Variants in MICU1 observed in about 807,000 individuals in gnomAD.
MICU1 encodes mitochondrial calcium uptake 1.
MICU1 carries 45 observed loss-of-function variants against 56.8 expected under a neutral mutation model. The observed-to-expected ratio is 0.79, with a 90% CI of 0.62 to 1.02. The LOEUF is 1.02. MICU1 is among the 50% of genes least tolerant of loss of function. The pLI is 0.00. For missense variants in MICU1, 504 were observed against 587.1 expected, an observed-to-expected ratio of 0.86 and a Z score of 1.46; for synonymous variants, 186 against 195.1, an observed-to-expected ratio of 0.95 and a Z score of 0.39.
chr10:72,428,008 C>G (rs1864406021), intron 8 of MICU1, among the ~76,000 whole-genome samples: 1 of 152,098 alleles, frequency 6.6e-6, no homozygotes, highest in Non-Finnish European at 1.5e-5. Context: ...ATGACATACA[C>G]ATTTCATAGT....
chr10:72,566,049 T>C (rs1186863551), intron 2 of MICU1, among the ~76,000 whole-genome samples: 1 of 144,656 alleles, frequency 6.9e-6, no homozygotes, highest in Admixed American at 6.9e-5. Flanking sequence ...CTTTTTTTTT[T>C]TTTTTTTTTT....
intron 8 of MICU1, among the ~76,000 whole-genome samples, chr10:72,461,005 C>G (rs1675072924): frequency 6.6e-6 from 1 of 152,108 alleles, no homozygotes; most frequent in Admixed American, 6.6e-5. Flanking sequence ...TACTCAGACA[C>G]CGTGGACATC....
intron 5 of MICU1, chr10:72,523,782 A>C: frequency 6.9e-7 from 1 of 1,446,844 alleles, no homozygotes; most frequent in Non-Finnish European, 9.1e-7. Flanking sequence ...CAAGCCTTCA[A>C]AGATCAATTT....
chr10:72,611,963 C>T (rs1233833259), intron 1 of MICU1, among the ~76,000 whole-genome samples: 1 of 150,166 alleles, frequency 6.7e-6, no homozygotes, highest in African/African-American at 2.5e-5. Context: ...CCACTGCACT[C>T]CTGCCTGAGC....
chr10:72,514,837 A>T (rs1184832330), intron 5 of MICU1, among the ~76,000 whole-genome samples: 2 of 151,492 alleles, frequency 1.3e-5, no homozygotes, highest in African/African-American at 2.4e-5. Context: ...AGCCTTCTAC[A>T]CTCCCCTGTA....
chr10:72,465,158 G>A (rs1194904958), intron 8 of MICU1, among the ~76,000 whole-genome samples: 2 of 151,880 alleles, frequency 1.3e-5, no homozygotes, highest in East Asian at 1.9e-4. Context: ...GCACCACTAC[G>A]CCTGGCTAAT....
chr10:72,615,971 A>G lies in MICU1; in HGVS notation c.-2+10039T>C, dbSNP rs1841969280. ...GCCACTGCACTCCAGCCTGGGCGAC[A>G]GAGCGAGACTCCGTCTCAAAAAAAC... On this transcript the variant is annotated intron_variant, in intron 1 of 11. Coordinates refer to ENST00000361114, the MANE Select transcript of MICU1 (RefSeq NM_001195518.2). 2.0e-5 allele frequency among the ~76,000 whole-genome samples: 3 copies of G among 152,320 alleles called. No individual in the cohort carries two copies. In the South Asian group the frequency reaches 6.2e-4, roughly 32 times the overall value.
At chr10:72,496,292 G>A (rs1004613687) in intron 6 of MICU1, among the ~76,000 whole-genome samples, 1 of 149,554 alleles carries the variant, frequency 6.7e-6, no homozygotes, top group Non-Finnish European at 1.5e-5. Context: ...ACCACGCCTG[G>A]CTAATTCCTT....
intron 7 of MICU1, among the ~76,000 whole-genome samples, chr10:72,476,226 C>CAAAAAAA (rs71018297): frequency 2.7e-5 from 2 of 73,808 alleles, no homozygotes; most frequent in Non-Finnish European, 2.4e-5. Flanking sequence ...GACTCCATCT[C>CAAAAAAA]AAAAAAAAAA....
chr10:72,383,458 G>C (rs903564801), intron 10 of MICU1, among the ~76,000 whole-genome samples: 1 of 152,072 alleles, frequency 6.6e-6, no homozygotes, highest in African/African-American at 2.4e-5. Context: ...CCCACAAAAT[G>C]GTGGTGTACT....
At chr10:72,451,162 T>C (rs1186027593) in intron 8 of MICU1, among the ~76,000 whole-genome samples, 2 of 151,492 alleles carry the variant, frequency 1.3e-5, no homozygotes, top group Admixed American at 1.3e-4. Context: ...GTAGCTGGGA[T>C]TATGGGCATG....
chr10:72,568,929 T>A (rs1402912342), intron 1 of MICU1, among the ~76,000 whole-genome samples: 1 of 150,808 alleles, frequency 6.6e-6, no homozygotes, highest in African/African-American at 2.4e-5. Flanking sequence ...AATTTTTGTT[T>A]TTTTAGTAGA....
rs562378309 is a variant in MICU1, at chr10:72,452,587, C to T, written c.933+22513G>A. ...ATATGTTTAGATACACAATTACCTA[C>T]CATTATGTTGCAACTGCCCTCTATG... is the stretch of plus-strand genomic sequence containing the variant. On this transcript the variant is annotated intron_variant, in intron 8 of 11. Transcript: ENST00000361114. 2.0e-5 allele frequency among the ~76,000 whole-genome samples: 3 copies of T among 152,254 alleles called. No homozygotes were observed. In the South Asian group the frequency reaches 6.2e-4, roughly 32 times the overall value.
At chr10:72,397,589 TC>T (rs1477157570) in intron 10 of MICU1, among the ~76,000 whole-genome samples, 1 of 151,852 alleles carries the variant, frequency 6.6e-6, no homozygotes, top group South Asian at 2.1e-4. Flanking sequence ...TGGAGGAAGA[TC>T]TACCAAGGAA....
At chr10:72,551,934 C>T (rs1051547858) in intron 3 of MICU1, among the ~76,000 whole-genome samples, 1 of 152,110 alleles carries the variant, frequency 6.6e-6, no homozygotes, top group African/African-American at 2.4e-5. Context: ...TTGCACCTGG[C>T]CTAAATACCA....
intron 1 of MICU1, among the ~76,000 whole-genome samples, chr10:72,595,669 T>C (rs1841361129): frequency 6.6e-6 from 1 of 152,088 alleles, no homozygotes; most frequent in Non-Finnish European, 1.5e-5. Flanking sequence ...GTCCTGCTAA[T>C]TGTAGGAAAT....
chr10:72,578,251 T>C (rs1840801603), intron 1 of MICU1, among the ~76,000 whole-genome samples: 1 of 151,954 alleles, frequency 6.6e-6, no homozygotes, highest in South Asian at 2.1e-4. Context: ...TGTTACCATT[T>C]TTTAGCAATA....
chr10:72,518,474 A>T (rs1484424687), intron 5 of MICU1, among the ~76,000 whole-genome samples: 1 of 152,160 alleles, frequency 6.6e-6, no homozygotes, highest in African/African-American at 2.4e-5. Flanking sequence ...TAAGAAAGAA[A>T]TTTTTTAATA....
chr10:72,469,603 C>CTGTTTTATATTTTTTTTTTTTTTATATT (rs1865891655), intron 8 of MICU1, among the ~76,000 whole-genome samples: 1 of 152,166 alleles, frequency 6.6e-6, no homozygotes. Flanking sequence ...GTGAGATGAC[C>CTGTTTTATATTTTTTTTTTTTTTATATT]TATTTATATG....
Sources: gnomAD v4.1 joint callset for allele counts (sites outside exome capture counted in the v4.1 genomes callset) on GRCh38, gnomAD v4.1.1 for gene constraint, MANE v1.5 for transcripts, NCBI Gene and HGNC (gene_info 2026-07-23, HGNC 2026-07-21) for gene names.